QTMAN: variants seen among roughly 807,000 people sequenced by gnomAD.
QTMAN encodes tRNA-queuosine alpha-mannosyltransferase.
the QTMAN span, among the ~76,000 whole-genome samples, chr2:144,255,343 A>G: frequency 6.6e-6 from 1 of 152,108 alleles, no homozygotes; most frequent in Admixed American, 6.6e-5. Context: ...TGAGTTCTCA[A>G]AAGATCTGAT....
chr2:143,979,800 T>C, the QTMAN span, among the ~76,000 whole-genome samples: 493 of 152,320 alleles, frequency 3.2e-3, 8 homozygotes, highest in African/African-American at 0.011. Flanking sequence ...GACATTTAAA[T>C]TGTTTCCAAT....
chr2:144,301,772 G>T, the QTMAN span, among the ~76,000 whole-genome samples: 3 of 152,112 alleles, frequency 2.0e-5, no homozygotes, highest in Non-Finnish European at 2.9e-5. Flanking sequence ...ACAAACAGTG[G>T]CCTCAAAGCA....
the QTMAN span, among the ~76,000 whole-genome samples, chr2:144,140,311 G>A: frequency 6.6e-6 from 1 of 151,934 alleles, no homozygotes; most frequent in African/African-American, 2.4e-5. Context: ...TACATCGGAT[G>A]TAAATGAATT....
chr2:144,043,947 T>C, the QTMAN span, among the ~76,000 whole-genome samples: 1 of 152,188 alleles, frequency 6.6e-6, no homozygotes, highest in Non-Finnish European at 1.5e-5. Flanking sequence ...ATATCGGTTT[T>C]GTTAGAGCAG....
the QTMAN span, among the ~76,000 whole-genome samples, chr2:144,054,061 G>A: frequency 7.2e-5 from 11 of 152,006 alleles, no homozygotes; most frequent in South Asian, 2.1e-4. Flanking sequence ...GGTGGTGGGC[G>A]CCTGTAGTCC....
chr2:144,252,832 C>T, the QTMAN span, among the ~76,000 whole-genome samples: 1 of 152,178 alleles, frequency 6.6e-6, no homozygotes, highest in Non-Finnish European at 1.5e-5. Flanking sequence ...ACTGCCAAAA[C>T]TTGGAAGTGG....
chr2:144,305,877 A>C, the QTMAN span, among the ~76,000 whole-genome samples: 1 of 152,200 alleles, frequency 6.6e-6, no homozygotes, highest in Non-Finnish European at 1.5e-5. Flanking sequence ...ATAGAAATAC[A>C]ATTGATTTCT....
At chr2:144,133,142 TATATATATA>T in the QTMAN span, among the ~76,000 whole-genome samples, 1 of 54,180 alleles carries the variant, frequency 1.8e-5, no homozygotes, top group East Asian at 5.7e-4. Flanking sequence ...TATATATATA[TATATATATA>T]ATATAATATA....
chr2:144,113,176 C>A, the QTMAN span, among the ~76,000 whole-genome samples: 81 of 151,780 alleles, frequency 5.3e-4, no homozygotes, highest in Middle Eastern at 6.8e-3. Flanking sequence ...ATTCAAGCAG[C>A]CAACATAAAA....
chr2:144,276,454 T>C, the QTMAN span, among the ~76,000 whole-genome samples: 2 of 152,124 alleles, frequency 1.3e-5, no homozygotes, highest in African/African-American at 2.4e-5. Context: ...GCTCCCAAAG[T>C]GCTAGGATTA....
At chr2:144,258,803 T>G in the QTMAN span, among the ~76,000 whole-genome samples, 1 of 152,190 alleles carries the variant, frequency 6.6e-6, no homozygotes, top group Non-Finnish European at 1.5e-5. Flanking sequence ...TATGTGTTAG[T>G]ATAAAGACTA....
the QTMAN span, among the ~76,000 whole-genome samples, chr2:144,181,548 C>CA: frequency 6.6e-6 from 1 of 152,164 alleles, no homozygotes; most frequent in African/African-American, 2.4e-5. Context: ...CATGGTGTCT[C>CA]ATGCCTGTAA....
At chr2:144,259,720 T>A in the QTMAN span, among the ~76,000 whole-genome samples, 1 of 152,182 alleles carries the variant, frequency 6.6e-6, no homozygotes, top group Non-Finnish European at 1.5e-5. Context: ...GCCAATTTGA[T>A]TTTACTCTAC....
chr2:144,181,605 G>A, the QTMAN span, among the ~76,000 whole-genome samples: 1 of 152,080 alleles, frequency 6.6e-6, no homozygotes, highest in Admixed American at 6.6e-5. Context: ...TTTGAGCCCA[G>A]GAGTTCGAGA....
chr2:144,324,007 G>A, the QTMAN span, among the ~76,000 whole-genome samples: 1 of 152,044 alleles, frequency 6.6e-6, no homozygotes, highest in African/African-American at 2.4e-5. Context: ...CCTTTTTATT[G>A]TCCTTATTAC....
At chr2:144,188,573 G>A in the QTMAN span, among the ~76,000 whole-genome samples, 10 of 152,196 alleles carry the variant, frequency 6.6e-5, no homozygotes, top group East Asian at 1.9e-3. Context: ...ATGGATGGAT[G>A]GATGGGTGAT....
At chr2:144,320,944 C>G in the QTMAN span, among the ~76,000 whole-genome samples, 4 of 152,220 alleles carry the variant, frequency 2.6e-5, no homozygotes, top group African/African-American at 9.6e-5. Context: ...ACTTGTTCAA[C>G]ATTCCCAACT....
the QTMAN span, among the ~76,000 whole-genome samples, chr2:144,047,082 C>A: frequency 6.6e-6 from 1 of 152,082 alleles, no homozygotes; most frequent in African/African-American, 2.4e-5. Context: ...ACCAGCCTGG[C>A]CAACATGGCA....
chr2:144,280,519 T>A, the QTMAN span, among the ~76,000 whole-genome samples: 1 of 152,122 alleles, frequency 6.6e-6, no homozygotes, highest in Non-Finnish European at 1.5e-5. Flanking sequence ...ACTTGAAGTC[T>A]ACACTAAGAA....
Sources: allele counts gnomAD v4.1 joint callset (sites outside exome capture counted in the v4.1 genomes callset), GRCh38; gene constraint gnomAD v4.1.1; transcripts MANE v1.5; gene names NCBI Gene and HGNC (gene_info 2026-07-23, HGNC 2026-07-21).